Variants in EXOC6 observed in about 807,000 individuals in gnomAD.
The protein encoded by EXOC6 is exocyst complex component 6.
EXOC6 carries 60 observed loss-of-function variants against 112.5 expected under a neutral mutation model. That is an observed-to-expected ratio of 0.53 (90% CI 0.43 to 0.66). The LOEUF is 0.66. Among genes scored for constraint, EXOC6 ranks in the 30% least tolerant of loss-of-function variants. The probability of loss-of-function intolerance (pLI) is 0.00; values close to 1 mark genes in which losing one functional copy is unlikely to be tolerated. For synonymous variants in EXOC6, 295 were observed against 308.0 expected, an observed-to-expected ratio of 0.96 and a Z score of 0.44; for missense variants, 855 against 957.1, an observed-to-expected ratio of 0.89 and a Z score of 1.41.
At position 92,990,383 on chromosome 10, in the gene EXOC6, T is replaced by C. The variant is rs1843179771; in HGVS notation, c.1954-7091T>C. ...TAAATATTTTCCTGATGTCAAACAT[T>C]GCAGAAAACAATATTTTGAATTGCC... is the stretch of plus-strand genomic sequence containing the variant. On this transcript the variant is annotated intron_variant, in intron 18 of 21. Transcript: ENST00000260762. 2.0e-5 allele frequency among the ~76,000 whole-genome samples: 3 copies of C among 152,208 alleles called. No homozygotes were observed. The South Asian group carries it at 6.2e-4, about 32-fold the overall frequency.
intron 20 of EXOC6, among the ~76,000 whole-genome samples, chr10:93,028,056 G>A (rs1449652724): frequency 6.6e-6 from 1 of 152,066 alleles, no homozygotes; most frequent in Non-Finnish European, 1.5e-5. Flanking sequence ...CGACACTTTG[G>A]GAGGCCGAGG....
chr10:92,963,740 G>A lies in EXOC6; in HGVS notation c.1773+8026G>A, dbSNP rs563398587. Reference sequence around the variant, plus strand: ...AACTCCTGGGCTTAAGTGATCTCCTGCCTCAGCCTCCCAAAGTGTTGGGAT... The same window carrying A: ...AACTCCTGGGCTTAAGTGATCTCCTACCTCAGCCTCCCAAAGTGTTGGGAT... On this transcript the variant is annotated intron_variant, in intron 17 of 21. Transcript: ENST00000260762. Among the ~76,000 whole-genome samples, 189 of 152,144 alleles carry A rather than the reference G, an allele frequency of 1.2e-3. 1 individual carries two copies. The highest frequency in any genetic ancestry group is 3.4e-3 in the Middle Eastern group (1 of 292).
intron 20 of EXOC6, among the ~76,000 whole-genome samples, chr10:93,042,483 G>T (rs542783609): frequency 6.6e-6 from 1 of 152,178 alleles, no homozygotes. Flanking sequence ...GTCAAATATA[G>T]TGCTTGTCAC....
chr10:92,950,470 A>G (rs1384092465), intron 14 of EXOC6, among the ~76,000 whole-genome samples: 3 of 152,182 alleles, frequency 2.0e-5, no homozygotes, highest in Non-Finnish European at 2.9e-5. Context: ...TATACCTACT[A>G]TATACCAGAA....
chr10:92,855,958 G>A (rs1196936218), intron 1 of EXOC6, among the ~76,000 whole-genome samples: 3 of 152,020 alleles, frequency 2.0e-5, no homozygotes, highest in Admixed American at 6.6e-5. Context: ...TCCGCCTCCT[G>A]GGTTCAAGCG....
intron 16 of EXOC6, among the ~76,000 whole-genome samples, 192 bp from the exon 17 acceptor site, chr10:92,955,388 G>GTGTGTGTA (rs781394983): frequency 5.4e-5 from 8 of 147,582 alleles, no homozygotes; most frequent in African/African-American, 1.7e-4. Flanking sequence ...GTGTGTGTGT[G>GTGTGTGTA]TATATATATA....
chr10:92,923,820 T>A (rs1329886080), intron 8 of EXOC6, among the ~76,000 whole-genome samples: 2 of 152,208 alleles, frequency 1.3e-5, no homozygotes, highest in African/African-American at 4.8e-5. Flanking sequence ...GGAGGCTGTT[T>A]TGAAGGCTAC....
intron 13 of EXOC6, among the ~76,000 whole-genome samples, chr10:92,943,206 A>T (rs148897645): frequency 6.6e-6 from 1 of 151,666 alleles, no homozygotes; most frequent in Admixed American, 6.6e-5. Flanking sequence ...TTTTAGTAGA[A>T]ATGGTGTTTC....
At chr10:92,975,421 T>C (rs1038075702) in intron 18 of EXOC6, among the ~76,000 whole-genome samples, 1 of 148,874 alleles carries the variant, frequency 6.7e-6, no homozygotes, top group Non-Finnish European at 1.5e-5. Flanking sequence ...AGCCACCCCG[T>C]CTGGGAAGTG....
intron 13 of EXOC6, among the ~76,000 whole-genome samples, chr10:92,946,037 T>C (rs1852972684): frequency 6.6e-6 from 1 of 151,712 alleles, no homozygotes; most frequent in Non-Finnish European, 1.5e-5. Context: ...ACGCCAGTAA[T>C]CCCAGCACTT....
At chr10:93,007,797 A>G (rs1249360335) in intron 19 of EXOC6, among the ~76,000 whole-genome samples, 1 of 152,238 alleles carries the variant, frequency 6.6e-6, no homozygotes, top group Non-Finnish European at 1.5e-5. Flanking sequence ...AGTTAGGCTG[A>G]TATAGCAGAG....
At chr10:92,846,821 A>T (rs546359189), upstream of EXOC6, among the ~76,000 whole-genome samples, 1 of 152,236 alleles carries the variant, frequency 6.6e-6, no homozygotes, top group Non-Finnish European at 1.5e-5. Context: ...TATGTGATTA[A>T]GGTTAAGGAC....
intron 17 of EXOC6, among the ~76,000 whole-genome samples, chr10:92,964,771 C>G (rs940361567): frequency 2.0e-5 from 3 of 152,272 alleles, no homozygotes; most frequent in African/African-American, 7.2e-5. Flanking sequence ...CACTGCTGCT[C>G]AGTAGATGTC....
exon 1 of EXOC6, chr10:92,834,764 C>A: frequency 6.2e-7 from 1 of 1,610,618 alleles, no homozygotes; most frequent in Non-Finnish European, 8.5e-7. Flanking sequence ...ACAGATCAAA[C>A]CTATGAGAAT....
intron 1 of EXOC6, among the ~76,000 whole-genome samples, chr10:92,860,202 A>G (rs901277647): frequency 1.3e-5 from 2 of 151,834 alleles, no homozygotes; most frequent in Admixed American, 1.3e-4. Context: ...TTCTACATAT[A>G]AAGTTATTTG....
chr10:92,999,223 G>GTTTT, intron 19 of EXOC6: 63 of 348,000 alleles, frequency 1.8e-4, no homozygotes, highest in East Asian at 2.9e-4. Context: ...TTTTTTACAA[G>GTTTT]TTTTTTTTTT....
intron 1 of EXOC6, among the ~76,000 whole-genome samples, chr10:92,836,775 G>A (rs184659311): frequency 6.6e-6 from 1 of 152,188 alleles, no homozygotes; most frequent in East Asian, 1.9e-4. Flanking sequence ...TACTGTAACT[G>A]TGCTTAAGGA....
intron 17 of EXOC6, among the ~76,000 whole-genome samples, chr10:92,970,276 G>A (rs1285380150): frequency 6.6e-6 from 1 of 152,196 alleles, no homozygotes; most frequent in Non-Finnish European, 1.5e-5. Context: ...TACTGAACAT[G>A]TACAGACTTC....
At chr10:92,987,329 T>C (rs572844811) in intron 18 of EXOC6, among the ~76,000 whole-genome samples, 6 of 152,330 alleles carry the variant, frequency 3.9e-5, no homozygotes, top group Non-Finnish European at 8.8e-5. Flanking sequence ...GTGCTAAAGC[T>C]CTTGGTTTTT....
Sources: gnomAD v4.1 joint callset for allele counts (sites outside exome capture counted in the v4.1 genomes callset) on GRCh38, gnomAD v4.1.1 for gene constraint, MANE v1.5 for transcripts, NCBI Gene and HGNC (gene_info 2026-07-23, HGNC 2026-07-21) for gene names.